TNS1: variants seen among roughly 807,000 people sequenced by gnomAD.
TNS1 encodes the protein tensin-1.
In TNS1, 62 loss-of-function variants were observed where a neutral mutation model predicts 168.6. That is an observed-to-expected ratio of 0.37 (90% CI 0.30 to 0.45). The LOEUF is 0.45. Among genes scored for constraint, TNS1 ranks in the 20% least tolerant of loss-of-function variants. The pLI, the probability that TNS1 is intolerant of heterozygous loss-of-function variation, is 1.00. For missense variants in TNS1, 2,240 were observed against 2,339.4 expected (o/e 0.96, Z 0.88); for synonymous variants, 934 against 933.2 (o/e 1.00, Z -0.02).
intron 18 of TNS1, among the ~76,000 whole-genome samples, chr2:217,878,957 G>A (rs1026847558): frequency 1.3e-5 from 2 of 152,152 alleles, no homozygotes; most frequent in Non-Finnish European, 2.9e-5. Flanking sequence ...CCCTCAGACA[G>A]AGGGATGGAA....
chr2:217,920,504 G>A (rs1435813975), intron 3 of TNS1, among the ~76,000 whole-genome samples: 1 of 151,624 alleles, frequency 6.6e-6, no homozygotes, highest in Non-Finnish European at 1.5e-5. Flanking sequence ...CATGCTGGGA[G>A]ACTGGAGATC....
chr2:217,839,465 G>A (rs1465920302), intron 19 of TNS1, among the ~76,000 whole-genome samples: 1 of 152,046 alleles, frequency 6.6e-6, no homozygotes, highest in Non-Finnish European at 1.5e-5. Context: ...TCACTCTTCT[G>A]CCAGGACAGT....
rs1559141337 is a variant in TNS1 at position 217,809,523 on chromosome 2, A to ATG, written c.5273+299_5273+300insCA. ...TGGATGCATGGATGGATGGATGGAT[A>ATG]GGTGCATGGATGGATGCATGGATGG... On this transcript the variant is annotated intron_variant, in intron 30 of 32. Coordinates refer to ENST00000682258, the MANE Select transcript of TNS1 (RefSeq NM_001387777.1). Among the ~76,000 whole-genome samples, 6 of 7,496 alleles carry ATG rather than the reference A, an allele frequency of 8.0e-4. 3 individuals carry two copies. The highest frequency in any genetic ancestry group is 1.5e-3 in the Non-Finnish European group (6 of 3,938). 4.9% of individuals were successfully genotyped at this position (7,496 alleles called of 152,430 possible).
chr2:217,994,518 A>C (rs991956467), intron 1 of TNS1, among the ~76,000 whole-genome samples: 12 of 152,002 alleles, frequency 7.9e-5, no homozygotes, highest in African/African-American at 2.7e-4. Context: ...TACCCAGCAA[A>C]CTTCCCTCCC....
intron 18 of TNS1, among the ~76,000 whole-genome samples, chr2:217,878,078 C>T (rs902094480): frequency 6.6e-6 from 1 of 152,248 alleles, no homozygotes; most frequent in Non-Finnish European, 1.5e-5. Flanking sequence ...TCATCAGAAG[C>T]ATTCCTGAGT....
At chr2:217,992,234 A>G (rs1958386523) in intron 1 of TNS1, among the ~76,000 whole-genome samples, 1 of 152,102 alleles carries the variant, frequency 6.6e-6, no homozygotes, top group Non-Finnish European at 1.5e-5. Flanking sequence ...AGGGGGCAAG[A>G]CACAGACACC....
At chr2:218,012,980 G>T (rs1341401718), upstream of TNS1, among the ~76,000 whole-genome samples, 1 of 152,008 alleles carries the variant, frequency 6.6e-6, no homozygotes, top group Non-Finnish European at 1.5e-5. Flanking sequence ...ATGCACGGTG[G>T]CTCACACCTG....
chr2:217,957,436 G>A (rs114870062), intron 3 of TNS1, among the ~76,000 whole-genome samples: 2,386 of 152,290 alleles, frequency 0.016, 54 homozygotes, highest in African/African-American at 0.054. Flanking sequence ...ATGAGAGGGA[G>A]CCGACACTGG....
intron 19 of TNS1, among the ~76,000 whole-genome samples, chr2:217,840,838 T>C (rs1007960182): frequency 2.0e-5 from 3 of 152,200 alleles, no homozygotes; most frequent in African/African-American, 7.2e-5. Flanking sequence ...ACCCTGAATG[T>C]TAGTCTAGTT....
rs1196990756 is a variant in TNS1, at chr2:217,803,484, C to T, written c.*975G>A. The T allele has an allele frequency of 6.6e-6, 1 of 152,446 alleles. No individual in the cohort carries two copies. Among genetic ancestry groups the T allele is most frequent in the East Asian group, 1.9e-4 (1 of 5,194 alleles). The allele number at this position is 152,446 out of a possible 1,614,324, so 9.4% of individuals were successfully genotyped here. On this transcript the variant is annotated 3_prime_UTR_variant, in exon 33 of 33. Coordinates refer to ENST00000682258, the MANE Select transcript of TNS1 (RefSeq NM_001387777.1). ...TGAGCCACATGCCTTGGGGAAGACACCCCGAGCTCAACAGCTGCCTGTTCT... is the reference window on the plus strand; with the variant it reads ...TGAGCCACATGCCTTGGGGAAGACATCCCGAGCTCAACAGCTGCCTGTTCT...
chr2:217,807,651 C>T (rs1574537592), intron 32 of TNS1, among the ~76,000 whole-genome samples: 2 of 152,170 alleles, frequency 1.3e-5, no homozygotes, highest in South Asian at 4.1e-4. Context: ...TTTCTGGGCT[C>T]CCACATTCTG....
At chr2:218,023,191 G>A (rs1252531830) in intron 1 of TNS1, among the ~76,000 whole-genome samples, 1 of 152,334 alleles carries the variant, frequency 6.6e-6, no homozygotes, top group East Asian at 1.9e-4. Context: ...AGGCTGAGGG[G>A]CCTGTGCTTC....
intron 6 of TNS1, chr2:217,905,555 C>T (rs1953567302): frequency 6.9e-6 from 2 of 288,288 alleles, no homozygotes; most frequent in Admixed American, 9.8e-5. Context: ...CTCGTGCCAT[C>T]AACATCTACC....
rs745978755 is a variant in TNS1 at position 217,817,955 on chromosome 2, G to T, written c.4377C>A (p.Val1459=). The T allele has an allele frequency of 1.6e-5, 25 of 1,608,770 alleles. No homozygotes were observed. The African/African-American group carries it at 3.3e-4, about 21-fold the overall frequency. ...YQAPSTPSFP[V]SPAYYPGLSS... ...TCAGGCCAGGGTAGTAGGCAGGGGAGACAGGGAAGGAGGGCGTGGAAGGAG... is the reference window on the plus strand; with the variant it reads ...TCAGGCCAGGGTAGTAGGCAGGGGATACAGGGAAGGAGGGCGTGGAAGGAG... The change falls in exon 24 of 33, where the codon GTC becomes GTA. Residue 1459 remains valine, a synonymous_variant. Coordinates refer to ENST00000682258, the MANE Select transcript of TNS1 (RefSeq NM_001387777.1).
intron 1 of TNS1, among the ~76,000 whole-genome samples, chr2:218,001,432 G>A (rs1461600162): frequency 6.6e-6 from 1 of 152,092 alleles, no homozygotes; most frequent in East Asian, 1.9e-4. Flanking sequence ...GATCTATAGA[G>A]CCCTCTCTCC....
At chr2:217,819,107 G>C (rs1335713286) in intron 23 of TNS1, among the ~76,000 whole-genome samples, 1 of 152,242 alleles carries the variant, frequency 6.6e-6, no homozygotes, top group Non-Finnish European at 1.5e-5. Context: ...GGAGGTGGCT[G>C]TCATGTTATA....
intron 1 of TNS1, among the ~76,000 whole-genome samples, chr2:218,022,162 G>A (rs532147562): frequency 0.012 from 1,879 of 152,216 alleles, 42 homozygotes; most frequent in African/African-American, 0.042. Flanking sequence ...GAGGAGGAGA[G>A]GGGGCAGGAG....
intron 18 of TNS1, among the ~76,000 whole-genome samples, chr2:217,852,858 G>A (rs1328169928): frequency 1.3e-5 from 2 of 152,162 alleles, no homozygotes; most frequent in East Asian, 1.9e-4. Context: ...AAATGGAAAT[G>A]TCTCTTGGCC....
intron 1 of TNS1, among the ~76,000 whole-genome samples, chr2:218,019,976 T>C (rs1178709083): frequency 2.0e-5 from 3 of 152,122 alleles, no homozygotes; most frequent in African/African-American, 7.2e-5. Context: ...CTACTCTTTT[T>C]TGCAGGTAAG....
Sources: gnomAD v4.1 joint callset for allele counts (sites outside exome capture counted in the v4.1 genomes callset) on GRCh38, gnomAD v4.1.1 for gene constraint, MANE v1.5 for transcripts, NCBI Gene and HGNC (gene_info 2026-07-23, HGNC 2026-07-21) for gene names.